BBS12: variants seen among roughly 807,000 people sequenced by gnomAD.
BBS12 encodes Bardet-Biedl syndrome 12.
BBS12 carries 5 observed loss-of-function variants against 5.6 expected under a neutral mutation model. The observed-to-expected ratio is 0.89, with a 90% CI of 0.46 to 1.86. BBS12 has a LOEUF of 1.86. Ranked by LOEUF, BBS12 falls within the 40% of genes most tolerant of loss-of-function variation. The probability of loss-of-function intolerance (pLI) is 0.01; values close to 1 mark genes in which losing one functional copy is unlikely to be tolerated. For synonymous variants in BBS12, 308 were observed against 306.8 expected (o/e 1.00, Z -0.04); for missense variants, 748 against 830.4 (o/e 0.90, Z 1.22).
chr4:122,743,795 T>C lies in BBS12; in HGVS notation c.1903T>C (p.Tyr635His), dbSNP rs781136885. ...NATDSGSPSS[Y>H]ILNEYSKLNS... ...CACAGACTCTGGCTCTCCTTCATCTTACATCTTGAATGAATATAGTAAACT... is the reference window on the plus strand; with the variant it reads ...CACAGACTCTGGCTCTCCTTCATCTCACATCTTGAATGAATATAGTAAACT... The change falls in exon 2 of 2, where the codon TAC becomes CAC. Residue 635 changes from tyrosine (Y) to histidine (H), a missense_variant. By Grantham distance (83) the Tyr-to-His change is moderately conservative. Coordinates refer to ENST00000314218, the MANE Select transcript of BBS12 (RefSeq NM_152618.3). 5 of 1,613,690 alleles carry C rather than the reference T, an allele frequency of 3.1e-6. No individual in the cohort carries two copies. In the South Asian group the frequency reaches 5.5e-5, roughly 18 times the overall value.
chr4:122,730,600 T>G (rs905160364), upstream of BBS12: 5 of 152,350 alleles, frequency 3.3e-5, no homozygotes, highest in Non-Finnish European at 5.9e-5. Context: ...CGTTTATTTC[T>G]CCATCTCTAT....
the BBS12 span, among the ~76,000 whole-genome samples, chr4:122,706,718 A>G: frequency 1.3e-5 from 2 of 152,190 alleles, no homozygotes; most frequent in Non-Finnish European, 2.9e-5. Context: ...CTCATTTCGC[A>G]ATGACTTATC....
intron 1 of BBS12, among the ~76,000 whole-genome samples, chr4:122,737,287 AGGGTGAATTACTATCATACT>A (rs1800796560): frequency 6.6e-6 from 1 of 152,196 alleles, no homozygotes; most frequent in Admixed American, 6.5e-5. Flanking sequence ...TAAAGAAGAG[AGGGTGAATTACTATCATACT>A]GGGCAAGGGG....
chr4:122,731,056 C>G (rs1309339920), upstream of BBS12: 1 of 152,150 alleles, frequency 6.6e-6, no homozygotes, highest in Admixed American at 6.6e-5. Flanking sequence ...TGCCAAGTAG[C>G]TGTGTTCTGA....
chr4:122,727,604 A>G, the BBS12 span, among the ~76,000 whole-genome samples: 1 of 120,704 alleles, frequency 8.3e-6, no homozygotes, highest in Non-Finnish European at 1.6e-5. Flanking sequence ...CCCAGGCTGG[A>G]GTGCAATGAT....
the BBS12 span, among the ~76,000 whole-genome samples, chr4:122,710,951 A>G: frequency 3.9e-4 from 59 of 152,286 alleles, 1 homozygote; most frequent in East Asian, 0.01. Context: ...AACATGATTG[A>G]GCTGTCAGAG....
At chr4:122,709,402 A>G in the BBS12 span, among the ~76,000 whole-genome samples, 1 of 152,210 alleles carries the variant, frequency 6.6e-6, no homozygotes, top group Admixed American at 6.5e-5. Context: ...CTAAAAACAT[A>G]GACTACAGGA....
chr4:122,739,182 CT>C (rs1800828701), intron 1 of BBS12, among the ~76,000 whole-genome samples: 1 of 152,184 alleles, frequency 6.6e-6, no homozygotes, highest in Non-Finnish European at 1.5e-5. Flanking sequence ...TGATTTTGGG[CT>C]TCTAGACTCC....
At chr4:122,726,310 C>T in the BBS12 span, among the ~76,000 whole-genome samples, 2 of 152,066 alleles carry the variant, frequency 1.3e-5, no homozygotes, top group Admixed American at 6.6e-5. Flanking sequence ...GGCCAATAAA[C>T]ATATGAAAAA....
the BBS12 span, among the ~76,000 whole-genome samples, chr4:122,726,962 G>C: frequency 2.0e-5 from 3 of 152,134 alleles, no homozygotes; most frequent in African/African-American, 4.8e-5. Flanking sequence ...GAAAAGTGTG[G>C]GAGGGGGTGA....
the BBS12 span, among the ~76,000 whole-genome samples, chr4:122,714,550 C>T: frequency 3.3e-5 from 5 of 151,950 alleles, no homozygotes; most frequent in East Asian, 1.9e-4. Flanking sequence ...GAGGCTGAGG[C>T]GGGCGCATCA....
At chr4:122,715,454 C>T in the BBS12 span, among the ~76,000 whole-genome samples, 1 of 152,078 alleles carries the variant, frequency 6.6e-6, no homozygotes, top group African/African-American at 2.4e-5. Context: ...GACCGGGTGC[C>T]TGTTTGATAT....
the BBS12 span, among the ~76,000 whole-genome samples, chr4:122,702,969 A>T: frequency 3.3e-5 from 5 of 152,238 alleles, no homozygotes; most frequent in Non-Finnish European, 5.9e-5. Flanking sequence ...AAAAATTTGT[A>T]AAAATTTTGT....
rs749107412 is a variant in BBS12 at position 122,742,832 on chromosome 4, A to G, written c.940A>G (p.Arg314Gly). ...AAAACCATTTATGTTTGACATTTCA[A>G]GAATTTTCACTTGCTGTCTACCAGG... ...CTKPFMFDIS[R>G]IFTCCLPGLP... The change falls in exon 2 of 2, where the codon AGA becomes GGA. Residue 314 changes from arginine to glycine, a missense_variant. By Grantham distance (125) the Arg-to-Gly change is moderately radical. Transcript: ENST00000314218. 6 of 1,614,248 alleles carry G rather than the reference A, an allele frequency of 3.7e-6. No homozygotes were observed. The highest frequency in any genetic ancestry group is 4.2e-6 in the Non-Finnish European group (5 of 1,180,050).
rs1251701215 is a variant in BBS12 at position 122,742,195 on chromosome 4, A to G, written c.303A>G (p.Glu101=). ...GTGCTTGGAGCAGTGCAGTTGAAGAATGTCTTCATCTTGGTGTCCCCATTT... is the reference window on the plus strand; with the variant it reads ...GTGCTTGGAGCAGTGCAGTTGAAGAGTGTCTTCATCTTGGTGTCCCCATTT... ...LVGAWSSAVE[E]CLHLGVPISI... is the part of the protein sequence containing the mutation. The change falls in exon 2 of 2, where the codon GAA becomes GAG. Residue 101 remains glutamate, a synonymous_variant. Transcript: ENST00000314218. 1 of 1,613,800 alleles carries G rather than the reference A, an allele frequency of 6.2e-7. No homozygotes were observed. Among genetic ancestry groups the G allele is most frequent in the Non-Finnish European group, 8.5e-7 (1 of 1,180,044 alleles).
chr4:122,742,896 T>C lies in BBS12; in HGVS notation c.1004T>C (p.Ile335Thr). The part of the protein sequence containing the change: ...ETSSCVCPGY[I>T]TVVSVSNNPV... Reference sequence around the variant, plus strand: ...TCTTCTTGTGTTTGTCCAGGATATATCACTGTTGTGTCAGTATCTAATAAT... The same window carrying C: ...TCTTCTTGTGTTTGTCCAGGATATACCACTGTTGTGTCAGTATCTAATAAT... Residue 335 changes from isoleucine to threonine, a missense_variant, in exon 2 of 2, where the codon ATC becomes ACC. Ile to Thr is a moderately conservative substitution (Grantham distance 89). Coordinates refer to ENST00000314218, the MANE Select transcript of BBS12 (RefSeq NM_152618.3). The C allele has an allele frequency of 6.2e-7, 1 of 1,614,248 alleles. No homozygotes were observed. The highest frequency in any genetic ancestry group is 8.5e-7 in the Non-Finnish European group (1 of 1,180,048).
chr4:122,709,613 T>C, the BBS12 span, among the ~76,000 whole-genome samples: 1 of 152,122 alleles, frequency 6.6e-6, no homozygotes, highest in African/African-American at 2.4e-5. Context: ...ATAAAAATGA[T>C]GGATTTTTGC....
the BBS12 span, among the ~76,000 whole-genome samples, chr4:122,707,542 G>A: frequency 1.0e-3 from 153 of 152,262 alleles, no homozygotes; most frequent in Middle Eastern, 0.01. Flanking sequence ...AGACCACCAC[G>A]TGAATCAATT....
upstream of BBS12, chr4:122,731,989 T>G (rs1445788022): frequency 6.6e-6 from 1 of 152,238 alleles, no homozygotes. Flanking sequence ...AAAGAAAGCC[T>G]TAAAGATTGC....
Sources: allele counts gnomAD v4.1 joint callset (sites outside exome capture counted in the v4.1 genomes callset), GRCh38; gene constraint gnomAD v4.1.1; transcripts MANE v1.5; gene names NCBI Gene and HGNC (gene_info 2026-07-23, HGNC 2026-07-21).